The following SUCLG2 variants were observed in gnomAD, a reference collection of about 807,000 sequenced individuals.
SUCLG2 encodes the protein succinate-CoA ligase GDP-forming subunit beta, also known as succinate--CoA ligase [GDP-forming] subunit beta, mitochondrial.
Under a neutral mutation model 47.9 loss-of-function variants are expected in SUCLG2, and 42 were observed. That is an observed-to-expected ratio of 0.88 (90% CI 0.69 to 1.14). The LOEUF (loss-of-function observed/expected upper bound fraction) is 1.14, where lower values mean the gene tolerates loss of function less well. SUCLG2 is among the 50% of genes most tolerant of loss of function. The pLI, the probability that SUCLG2 is intolerant of heterozygous loss-of-function variation, is 0.00. For synonymous variants in SUCLG2, 195 were observed against 197.3 expected (o/e 0.99, Z 0.10); for missense variants, 571 against 525.9 (o/e 1.09, Z -0.84).
chr3:67,601,013 C>A (rs1045795725), intron 2 of SUCLG2, among the ~76,000 whole-genome samples: 5 of 152,058 alleles, frequency 3.3e-5, no homozygotes, highest in African/African-American at 9.7e-5. Context: ...CCAAAAATAA[C>A]CACAAGAGGA....
At chr3:67,516,717 A>G (rs1250356145) in intron 6 of SUCLG2, among the ~76,000 whole-genome samples, 1 of 152,222 alleles carries the variant, frequency 6.6e-6, no homozygotes, top group Non-Finnish European at 1.5e-5. Flanking sequence ...CTGCCGTGGT[A>G]AAGATTAGGA....
At chr3:67,456,380 T>A (rs895202326) in intron 9 of SUCLG2, among the ~76,000 whole-genome samples, 1 of 152,130 alleles carries the variant, frequency 6.6e-6, no homozygotes, top group African/African-American at 2.4e-5. Flanking sequence ...ATGGAGAAAA[T>A]CAATGCTCCT....
intron 9 of SUCLG2, among the ~76,000 whole-genome samples, chr3:67,468,114 C>A (rs1704518690): frequency 6.6e-6 from 1 of 152,074 alleles, no homozygotes; most frequent in Admixed American, 6.5e-5. Context: ...GGGAGTCTGG[C>A]CTCTGAGGAG....
chr3:67,438,523 A>T (rs1703680328), intron 9 of SUCLG2, among the ~76,000 whole-genome samples: 2 of 152,162 alleles, frequency 1.3e-5, no homozygotes, highest in Non-Finnish European at 2.9e-5. Flanking sequence ...GAGAAGAATC[A>T]AATAGACACA....
At chr3:67,646,490 G>A (rs1341432375) in intron 1 of SUCLG2, among the ~76,000 whole-genome samples, 2 of 152,062 alleles carry the variant, frequency 1.3e-5, no homozygotes, top group African/African-American at 4.8e-5. Flanking sequence ...AGCTACTTGG[G>A]AGGCTGAGTC....
intron 1 of SUCLG2, among the ~76,000 whole-genome samples, chr3:67,651,817 T>C (rs1397598390): frequency 6.6e-6 from 1 of 152,244 alleles, no homozygotes; most frequent in East Asian, 1.9e-4. Flanking sequence ...ATAGGTCTCC[T>C]CTGATCATCC....
chr3:67,377,097 T>C (rs902144913), intron 10 of SUCLG2, among the ~76,000 whole-genome samples: 7 of 152,196 alleles, frequency 4.6e-5, no homozygotes, highest in Non-Finnish European at 1.0e-4. Context: ...ACACAGCATA[T>C]GAAATCTTTA....
chr3:67,425,924 T>C (rs1286922952), intron 9 of SUCLG2, among the ~76,000 whole-genome samples: 1 of 152,216 alleles, frequency 6.6e-6, no homozygotes, highest in Non-Finnish European at 1.5e-5. Flanking sequence ...TGTAAAATAT[T>C]ACTATAAGCT....
chr3:67,506,311 C>A (rs1283592881), intron 7 of SUCLG2, among the ~76,000 whole-genome samples: 1 of 152,104 alleles, frequency 6.6e-6, no homozygotes, highest in Non-Finnish European at 1.5e-5. Flanking sequence ...GACTACTGCT[C>A]ATTAGAGTTA....
downstream of SUCLG2, among the ~76,000 whole-genome samples, chr3:67,374,259 C>T (rs114997259): frequency 5.1e-3 from 772 of 152,226 alleles, 4 homozygotes; most frequent in African/African-American, 0.018. Flanking sequence ...TTCTCCATGG[C>T]AAACATGGCT....
At chr3:67,445,000 G>C (rs1441191111) in intron 9 of SUCLG2, among the ~76,000 whole-genome samples, 1 of 44,418 alleles carries the variant, frequency 2.3e-5, no homozygotes, top group African/African-American at 8.4e-5. Flanking sequence ...GAGGTTGGGG[G>C]GTCAGCCCCC....
At chr3:67,567,727 T>G (rs1173143189) in intron 2 of SUCLG2, among the ~76,000 whole-genome samples, 14 of 152,196 alleles carry the variant, frequency 9.2e-5, no homozygotes, top group Admixed American at 9.2e-4. Flanking sequence ...ACCCTAAAAT[T>G]GATTTTTCCC....
At chr3:67,501,427 A>G (rs1424635776) in intron 7 of SUCLG2, among the ~76,000 whole-genome samples, 2 of 152,172 alleles carry the variant, frequency 1.3e-5, no homozygotes, top group Non-Finnish European at 2.9e-5. Context: ...CTTCATCCCT[A>G]ATTCCTAGCA....
intron 9 of SUCLG2, among the ~76,000 whole-genome samples, chr3:67,438,015 C>G (rs545598221): frequency 6.6e-6 from 1 of 152,058 alleles, no homozygotes; most frequent in African/African-American, 2.4e-5. Flanking sequence ...GTCGCTTCTG[C>G]GATTAGTGAT....
chr3:67,648,816 C>T (rs1701237016), intron 1 of SUCLG2, among the ~76,000 whole-genome samples: 1 of 152,156 alleles, frequency 6.6e-6, no homozygotes, highest in Non-Finnish European at 1.5e-5. Flanking sequence ...TCCTTACCTC[C>T]CTCTCCCTTC....
chr3:67,474,455 A>G (rs1704692448), intron 9 of SUCLG2, among the ~76,000 whole-genome samples: 1 of 152,182 alleles, frequency 6.6e-6, no homozygotes, highest in African/African-American at 2.4e-5. Context: ...AGTAGCTGAC[A>G]GAGATGAGAC....
At chr3:67,400,245 T>C (rs1702652932) in intron 10 of SUCLG2, among the ~76,000 whole-genome samples, 1 of 151,600 alleles carries the variant, frequency 6.6e-6, no homozygotes, top group Non-Finnish European at 1.5e-5. Context: ...ATATAATACA[T>C]ATGATATATA....
chr3:67,599,887 C>A (rs1300026035), intron 2 of SUCLG2, among the ~76,000 whole-genome samples: 1 of 152,182 alleles, frequency 6.6e-6, no homozygotes, highest in East Asian at 1.9e-4. Context: ...TAACACAACT[C>A]TTTTAAACCT....
intron 2 of SUCLG2, among the ~76,000 whole-genome samples, chr3:67,602,947 A>T (rs1375686902): frequency 6.6e-6 from 1 of 152,204 alleles, no homozygotes; most frequent in Non-Finnish European, 1.5e-5. Flanking sequence ...AGACTTAAAA[A>T]ATGGGAAGGA....
Sources: allele counts gnomAD v4.1 joint callset (sites outside exome capture counted in the v4.1 genomes callset), GRCh38; gene constraint gnomAD v4.1.1; transcripts MANE v1.5; gene names NCBI Gene and HGNC (gene_info 2026-07-23, HGNC 2026-07-21).